Variants in FAT1 observed in about 807,000 individuals in gnomAD.
The protein encoded by FAT1 is FAT atypical cadherin 1, also known as protocadherin Fat 1.
FAT1 carries 171 observed loss-of-function variants against 329.8 expected under a neutral mutation model. That is an observed-to-expected ratio of 0.52 (90% CI 0.46 to 0.59). FAT1 has a LOEUF of 0.59. FAT1 is among the 20% of genes least tolerant of loss of function. FAT1 has a pLI of 0.00. For synonymous variants in FAT1, 2,233 were observed against 2,228.6 expected (o/e 1.00, Z -0.06); for missense variants, 5,672 against 5,774.4 (o/e 0.98, Z 0.57).
At chr4:186,705,726 G>A (rs1257677099) in intron 2 of FAT1, among the ~76,000 whole-genome samples, 1 of 152,214 alleles carries the variant, frequency 6.6e-6, no homozygotes, top group Non-Finnish European at 1.5e-5. Context: ...CAAGACTGAG[G>A]TATGTACAAA....
Position 186,636,614 on chromosome 4 carries a change from A to C in FAT1, c.3943T>G (p.Ser1315Ala). ...AGAATATCATATTCTCCAGCTGCTG[A>C]AAACCTCTTGGACGAAACCACTCCA... ...KTGVVSSKRF[S>A]AAGEYDILSI... is the part of the protein sequence containing the mutation. The change falls in exon 5 of 27, where the codon TCA becomes GCA. Residue 1315 changes from serine (S) to alanine (A), a missense_variant. Physicochemically the swap from Ser to Ala is moderately conservative, Grantham distance 99 (BLOSUM62 1). Around this residue, in one of 2 missense-constraint regions of FAT1, gnomAD observed 3,966 missense variants for 3,915.2 expected, o/e 1.01. Coordinates refer to ENST00000441802, the MANE Select transcript of FAT1 (RefSeq NM_005245.4). 1 of 1,612,680 alleles carries C rather than the reference A, an allele frequency of 6.2e-7. No individual in the cohort carries two copies.
chr4:186,592,707 G>A (rs1484400643), intron 26 of FAT1: 6 of 456,588 alleles, frequency 1.3e-5, no homozygotes, highest in Admixed American at 4.7e-5. Context: ...TGTGCTCACC[G>A]TGTCAACCAC....
intron 2 of FAT1, among the ~76,000 whole-genome samples, chr4:186,683,655 C>T (rs948803576): frequency 7.2e-5 from 11 of 152,136 alleles, no homozygotes; most frequent in African/African-American, 2.7e-4. Flanking sequence ...GGAGCAGGCA[C>T]ACTTGCCACT....
chr4:186,630,063 T>C (rs1247226649), intron 7 of FAT1, among the ~76,000 whole-genome samples: 1 of 152,212 alleles, frequency 6.6e-6, no homozygotes, highest in Non-Finnish European at 1.5e-5. Context: ...GCAATTCAAT[T>C]GAAACACACG....
intron 15 of FAT1, 60 bp downstream of exon 15, chr4:186,609,741 A>G (rs1739310352): frequency 2.5e-6 from 3 of 1,198,236 alleles, no homozygotes; most frequent in African/African-American, 1.5e-5. Flanking sequence ...TTTTACTAAA[A>G]ACTTTTGCAA....
intron 14 of FAT1, among the ~76,000 whole-genome samples, chr4:186,610,645 ATTT>A (rs1301741893): frequency 0.017 from 1,563 of 90,608 alleles, 41 homozygotes; most frequent in African/African-American, 0.052. Context: ...AATTTATATA[ATTT>A]ATATAAATAT....
chr4:186,589,288 C>T (rs1738126480), intron 26 of FAT1, 68 bp from the exon 27 acceptor site: 5 of 1,497,066 alleles, frequency 3.3e-6, no homozygotes, highest in Non-Finnish European at 3.6e-6. Context: ...AAAGAGAGCT[C>T]AGTGTATCAA....
rs1488780116 is a variant in FAT1, at chr4:186,621,748, T to G, written c.4838A>C (p.Asp1613Ala). ...AGTTTTAATAGAGCCCAAGACAGGA[T>G]CAATCATAAAAGAATTTCCAATATT... ...SGNIGNSFMI[D>A]PVLGSIKTAK... The change falls in exon 10 of 27, where the codon GAT becomes GCT. Residue 1613 changes from aspartate to alanine, a missense_variant. Physicochemically the swap from Asp to Ala is moderately radical, Grantham distance 126. Around this residue, in one of 2 missense-constraint regions of FAT1, gnomAD observed 3,966 missense variants for 3,915.2 expected, o/e 1.01. Transcript: ENST00000441802. 5 of 1,578,232 alleles carry G rather than the reference T, an allele frequency of 3.2e-6. No homozygotes were observed. The highest frequency in any genetic ancestry group is 4.3e-6 in the Non-Finnish European group (5 of 1,165,898).
rs1342126399 is a variant in FAT1 at position 186,620,188 on chromosome 4, C to T, written c.6398G>A (p.Gly2133Asp). 1 of 1,613,976 alleles carries T rather than the reference C, an allele frequency of 6.2e-7. No homozygotes were observed. Among genetic ancestry groups the T allele is most frequent in the Non-Finnish European group, 8.5e-7 (1 of 1,179,894 alleles). ...AAATTGCTTTTTCAGTGAAATTTCA[C>T]CCAAGGGTCCAATTTGAAAGTGTTC... ...HHEHFQIGPL[G>D]EISLKKQFEL... Residue 2133 changes from glycine to aspartate, a missense_variant, in exon 10 of 27, where the codon GGT becomes GAT. Around this residue, in one of 2 missense-constraint regions of FAT1, gnomAD observed 3,966 missense variants for 3,915.2 expected, o/e 1.01. Coordinates refer to ENST00000441802, the MANE Select transcript of FAT1 (RefSeq NM_005245.4).
chr4:186,639,716 A>C lies in FAT1; in HGVS notation c.3642+6T>G, dbSNP rs79919950. On this transcript the variant is annotated splice_donor_region_variant and intron_variant, in intron 4 of 26. Coordinates refer to ENST00000441802, the MANE Select transcript of FAT1 (RefSeq NM_005245.4). ...TTTAAGTATTAAAGATAAAAAAAAAACTTACCTCTAATATGTGTTCATCTT... is the reference window on the plus strand; with the variant it reads ...TTTAAGTATTAAAGATAAAAAAAAACCTTACCTCTAATATGTGTTCATCTT... 1.9e-5 allele frequency: 30 copies of C among 1,597,048 alleles called. 1 individual carries two copies. Among genetic ancestry groups the C allele is most frequent in the Middle Eastern group, 3.4e-4 (2 of 5,878 alleles).
At position 186,684,449 on chromosome 4, in the gene FAT1, G is replaced by C. The variant is rs375404015; in HGVS notation, c.3266-20836C>G. Among the ~76,000 whole-genome samples the C allele has an allele frequency of 1.1e-4, 16 of 152,262 alleles. No homozygotes were observed. The East Asian group carries it at 1.2e-3, about 11-fold the overall frequency. On this transcript the variant is annotated intron_variant, in intron 2 of 26. Coordinates refer to ENST00000441802, the MANE Select transcript of FAT1 (RefSeq NM_005245.4). ...CCTGTCGGCTCTCGTAGGAGACGTA[G>C]GACCATGAACTGTGCTCCTCCCCGG...
intron 2 of FAT1, among the ~76,000 whole-genome samples, chr4:186,691,984 TGAG>T (rs1404745506): frequency 6.6e-6 from 1 of 152,176 alleles, no homozygotes; most frequent in Non-Finnish European, 1.5e-5. Context: ...CTAATCTCTT[TGAG>T]GAGAAGAATG....
chr4:186,608,635 A>G (rs1252678826), intron 16 of FAT1, among the ~76,000 whole-genome samples: 1 of 152,154 alleles, frequency 6.6e-6, no homozygotes, highest in Non-Finnish European at 1.5e-5. Flanking sequence ...GACCTTCCTC[A>G]GCTCACAAAT....
chr4:186,629,212 T>C (rs1273974585), intron 7 of FAT1, among the ~76,000 whole-genome samples: 6 of 152,156 alleles, frequency 3.9e-5, no homozygotes, highest in Non-Finnish European at 8.8e-5. Context: ...AATTTCTCAT[T>C]CTCATCTTTG....
chr4:186,594,359 C>T (rs1334556951), intron 26 of FAT1, among the ~76,000 whole-genome samples: 1 of 151,972 alleles, frequency 6.6e-6, no homozygotes, highest in Non-Finnish European at 1.5e-5. Context: ...CTGCGCCCGG[C>T]CACCTGGGAC....
chr4:186,688,429 G>T (rs576233208), intron 2 of FAT1, among the ~76,000 whole-genome samples: 132 of 152,208 alleles, frequency 8.7e-4, no homozygotes, highest in African/African-American at 3.1e-3. Flanking sequence ...CGGACCCCAT[G>T]TGGTCCTTTC....
Position 186,611,693 on chromosome 4 carries a change from C to T in FAT1, c.9546G>A (p.Gln3182=), listed in dbSNP as rs2126469656. 1 of 1,605,136 alleles carries T rather than the reference C, an allele frequency of 6.2e-7. No homozygotes were observed. The highest frequency in any genetic ancestry group is 8.5e-7 in the Non-Finnish European group (1 of 1,175,248). Reference sequence around the variant, plus strand: ...GTTCTCTGTCCAAAGGTTTTTCTAACTGAATAATTCCAGATAATTCGTTAA... The same window carrying T: ...GTTCTCTGTCCAAAGGTTTTTCTAATTGAATAATTCCAGATAATTCGTTAA... The part of the protein sequence containing the change: ...FSINELSGII[Q]LEKPLDRELQ... Residue 3182 remains glutamine (Q), a synonymous_variant, in exon 14 of 27, where the codon CAG becomes CAA. Transcript: ENST00000441802.
intron 2 of FAT1, among the ~76,000 whole-genome samples, chr4:186,679,129 C>A (rs1743079507): frequency 6.6e-6 from 1 of 152,130 alleles, no homozygotes; most frequent in East Asian, 1.9e-4. Flanking sequence ...GCCTGTAATC[C>A]CAGCACTATG....
At chr4:186,705,450 T>C (rs1362082087) in intron 2 of FAT1, among the ~76,000 whole-genome samples, 2 of 152,170 alleles carry the variant, frequency 1.3e-5, no homozygotes, top group African/African-American at 4.8e-5. Context: ...GTGAGATTAG[T>C]AAACAAATTG....
Sources: allele counts gnomAD v4.1 joint callset (sites outside exome capture counted in the v4.1 genomes callset), GRCh38; gene constraint gnomAD v4.1.1; regional missense constraint gnomAD v4.1.1; transcripts MANE v1.5; gene names NCBI Gene and HGNC (gene_info 2026-07-23, HGNC 2026-07-21).